The following FANCM variants were observed in gnomAD, a reference collection of about 807,000 sequenced individuals.
The protein encoded by FANCM is Fanconi anemia group M protein.
FANCM carries 140 observed loss-of-function variants against 199.5 expected under a neutral mutation model. The ratio of observed to expected loss-of-function variants is 0.70; its 90% CI spans 0.61 to 0.81. FANCM has a LOEUF of 0.81. Ranked by LOEUF, FANCM falls within the 30% of genes least tolerant of loss-of-function variation. The pLI is 0.00. For synonymous variants in FANCM, 840 were observed against 836.8 expected, an observed-to-expected ratio of 1.00 and a Z score of -0.07; for missense variants, 2,410 against 2,421.4, an observed-to-expected ratio of 1.00 and a Z score of 0.10.
chr14:45,189,128 C>G lies in FANCM; in HGVS notation c.5106C>G (p.Asp1702Glu). ...PSTVKKNKQQ[D>E]HCLNSVPSGS... ...CTGTTAAGAAGAACAAACAACAGGA[C>G]CATTGTTTAAATTCAGTGCCTTCTG... Residue 1702 changes from aspartate to glutamate, a missense_variant, in exon 20 of 23, where the codon GAC (aspartate) becomes GAG (glutamate). Coordinates refer to ENST00000267430, the MANE Select transcript of FANCM (RefSeq NM_020937.4). 6.2e-7 allele frequency: 1 copy of G among 1,614,088 alleles called. No individual in the cohort carries two copies. The highest frequency in any genetic ancestry group is 8.5e-7 in the Non-Finnish European group (1 of 1,179,946).
In FANCM at chr14:45,148,847, A is replaced by C. The variant is rs1886616957; in HGVS notation, c.770A>C (p.Gln257Pro). The C allele has an allele frequency of 6.2e-7, 1 of 1,608,250 alleles. No individual in the cohort carries two copies. Among genetic ancestry groups the C allele is most frequent in the Non-Finnish European group, 8.5e-7 (1 of 1,175,522 alleles). The part of the protein sequence containing the change: ...TPGSDIKAVQ[Q>P]VITNLLIGQI... ...ATTGATTTCATATAGGCTGTGCAAC[A>C]AGTTATTACTAACCTGCTAATTGGG... Residue 257 changes from glutamine to proline, a missense_variant, in exon 4 of 23, where the codon CAA (glutamine) becomes CCA (proline). By Grantham distance (76) the Gln-to-Pro change is moderately conservative. Coordinates refer to ENST00000267430, the MANE Select transcript of FANCM (RefSeq NM_020937.4).
At position 45,181,712 on chromosome 14, in the gene FANCM, A is replaced by G. The variant is rs963302593; in HGVS notation, c.4386+7A>G. On this transcript the variant is annotated splice_region_variant and intron_variant, in intron 16 of 22. Transcript: ENST00000267430. The stretch of plus-strand genomic sequence containing the variant: ...CAGATTTCCTATAAACAGAGTAAGT[A>G]AATACCAGGTAATGTATAGTAATCC... 1.3e-6 allele frequency: 2 copies of G among 1,573,102 alleles called. No individual in the cohort carries two copies. Among genetic ancestry groups the G allele is most frequent in the African/African-American group, 1.3e-5 (1 of 74,202 alleles).
intron 20 of FANCM, among the ~76,000 whole-genome samples, chr14:45,189,914 G>T (rs1889659222): frequency 6.6e-6 from 1 of 150,490 alleles, no homozygotes; most frequent in South Asian, 2.1e-4. Flanking sequence ...GTTGCAGTCA[G>T]CCGAGATCAT....
At chr14:45,184,940 A>ATTT (rs1176189406) in intron 17 of FANCM, among the ~76,000 whole-genome samples, 1 of 139,082 alleles carries the variant, frequency 7.2e-6, no homozygotes, top group Non-Finnish European at 1.6e-5. Context: ...CACCCTGCCA[A>ATTT]TTTTTTTTTT....
intron 19 of FANCM, among the ~76,000 whole-genome samples, chr14:45,188,372 G>T (rs1368121062): frequency 3.9e-5 from 6 of 152,070 alleles, no homozygotes; most frequent in Non-Finnish European, 5.9e-5. Context: ...TTTGTCCTTG[G>T]TTGATCAAAA....
chr14:45,187,029 T>C (rs1889442834), intron 18 of FANCM, among the ~76,000 whole-genome samples: 1 of 152,082 alleles, frequency 6.6e-6, no homozygotes, highest in African/African-American at 2.4e-5. Context: ...TACATAAAGC[T>C]GACAGGATTT....
chr14:45,183,659 T>C, intron 16 of FANCM, 115 bp from the exon 17 acceptor site: 1 of 673,326 alleles, frequency 1.5e-6, no homozygotes, highest in South Asian at 1.9e-5. Context: ...TTCTTAAGTA[T>C]TTATAACATT....
At position 45,198,872 on chromosome 14, in the gene FANCM, TAA is replaced by T; in HGVS notation, c.5946_5947del (p.Ile1982MetfsTer20). 2.5e-6 allele frequency: 4 copies of T among 1,611,706 alleles called. No homozygotes were observed. The highest frequency in any genetic ancestry group is 3.4e-6 in the Non-Finnish European group (4 of 1,177,892). On this transcript the variant is annotated frameshift_variant, in exon 22 of 23. Transcript: ENST00000267430. LOFTEE classifies it high-confidence loss of function. ...CAGTTTTATTTAAGTATTCCCAATA[TAA>T]GTTATATAACTGCATTAAATATGTG...
intron 13 of FANCM, 94 bp from the exon 14 acceptor site, chr14:45,174,977 A>G (rs532165671): frequency 7.2e-6 from 5 of 692,674 alleles, no homozygotes; most frequent in East Asian, 5.5e-5. Context: ...GTAATAATAT[A>G]AATATTTTAA....
chr14:45,183,562 A>G (rs1889196789), intron 16 of FANCM, among the ~76,000 whole-genome samples: 1 of 152,158 alleles, frequency 6.6e-6, no homozygotes, highest in African/African-American at 2.4e-5. Flanking sequence ...ATGTAATACT[A>G]TATTGGATGA....
At chr14:45,178,361 T>A (rs1393788671) in intron 14 of FANCM, among the ~76,000 whole-genome samples, 1 of 152,210 alleles carries the variant, frequency 6.6e-6, no homozygotes, top group Non-Finnish European at 1.5e-5. Context: ...AGTGAGATAA[T>A]TTTTCTGGTT....
At chr14:45,164,824 A>G (rs887472702) in intron 10 of FANCM, among the ~76,000 whole-genome samples, 3 of 152,192 alleles carry the variant, frequency 2.0e-5, no homozygotes, top group Admixed American at 6.5e-5. Flanking sequence ...CTAAAAACCA[A>G]TATCTATTAC....
intron 2 of FANCM, among the ~76,000 whole-genome samples, chr14:45,138,998 C>G (rs1885724690): frequency 1.3e-5 from 2 of 152,170 alleles, no homozygotes. Context: ...AATGATTTCA[C>G]TCAAAACTGC....
chr14:45,181,951 G>T (rs1889100547), intron 16 of FANCM, among the ~76,000 whole-genome samples: 1 of 152,078 alleles, frequency 6.6e-6, no homozygotes, highest in Non-Finnish European at 1.5e-5. Flanking sequence ...TCCTATTTTT[G>T]TCAGTACACT....
chr14:45,151,251 T>A, intron 4 of FANCM, 146 bp from the exon 5 acceptor site: 2 of 657,910 alleles, frequency 3.0e-6, no homozygotes, highest in East Asian at 5.7e-5. Flanking sequence ...TAGTTTTAAA[T>A]GTTATCATTG....
rs765507230 is a variant in FANCM, at chr14:45,175,212, A to G, written c.2458A>G (p.Asn820Asp). Residue 820 changes from asparagine to aspartate, a missense_variant, in exon 14 of 23, where the codon AAC becomes GAC. Transcript: ENST00000267430. ...TCACAAGAAATCGTCATTTATAAAG[A>G]ACATAAATCAAGGCAGTTCATCCTC... ...ITHKKSSFIK[N>D]INQGSSSSVI... 29 of 1,611,904 alleles carry G rather than the reference A, an allele frequency of 1.8e-5. 1 individual carries two copies. Among genetic ancestry groups the G allele is most frequent in the Non-Finnish European group, 2.5e-5 (29 of 1,178,776 alleles).
At chr14:45,192,095 G>A (rs1468431624) in intron 20 of FANCM, among the ~76,000 whole-genome samples, 1 of 152,084 alleles carries the variant, frequency 6.6e-6, no homozygotes, top group Admixed American at 6.5e-5. Context: ...TAATTGGGAT[G>A]TTGATCTTAG....
chr14:45,181,559 A>G (rs370805395), intron 15 of FANCM, 35 bp downstream of exon 15: 4 of 1,518,144 alleles, frequency 2.6e-6, no homozygotes, highest in Middle Eastern at 1.7e-4. Context: ...GTATAATCAT[A>G]TCAAAGGCTA....
At chr14:45,163,244 T>TA (rs1211233997) in intron 9 of FANCM, among the ~76,000 whole-genome samples, 2 of 152,242 alleles carry the variant, frequency 1.3e-5, no homozygotes, top group Non-Finnish European at 2.9e-5. Context: ...GATTGTTTAA[T>TA]AAAATGCAAT....
Sources: gnomAD v4.1 joint callset for allele counts (sites outside exome capture counted in the v4.1 genomes callset) on GRCh38, gnomAD v4.1.1 for gene constraint, MANE v1.5 for transcripts, NCBI Gene and HGNC (gene_info 2026-07-23, HGNC 2026-07-21) for gene names.